GRID2: variants seen among roughly 807,000 people sequenced by gnomAD.
The protein encoded by GRID2 is glutamate ionotropic receptor delta type subunit 2.
Under a neutral mutation model 114.8 loss-of-function variants are expected in GRID2, and 33 were observed. That is an observed-to-expected ratio of 0.29 (90% CI 0.22 to 0.38). GRID2 has a LOEUF of 0.38. Ranked by LOEUF, GRID2 falls within the 10% of genes least tolerant of loss-of-function variation. GRID2 has a pLI of 1.00. For synonymous variants in GRID2, 505 were observed against 449.9 expected (o/e 1.12, Z -1.55); for missense variants, 1,184 against 1,257.7 (o/e 0.94, Z 0.89).
At chr4:92,399,270 G>C (rs999748350) in intron 1 of GRID2, among the ~76,000 whole-genome samples, 6 of 152,218 alleles carry the variant, frequency 3.9e-5, no homozygotes, top group Non-Finnish European at 8.8e-5. Context: ...AGTCACATTT[G>C]TGTTTGTGCT....
At chr4:93,398,319 A>T (rs1765552908) in intron 9 of GRID2, among the ~76,000 whole-genome samples, 1 of 151,088 alleles carries the variant, frequency 6.6e-6, no homozygotes, top group African/African-American at 2.4e-5. Flanking sequence ...TCTGGTAAGT[A>T]TTACCTGAGC....
chr4:93,143,184 AG>A (rs1486228684), intron 4 of GRID2, among the ~76,000 whole-genome samples: 1 of 152,268 alleles, frequency 6.6e-6, no homozygotes, highest in Non-Finnish European at 1.5e-5. Context: ...AGATTGCATT[AG>A]AAAAAAATGT....
intron 1 of GRID2, among the ~76,000 whole-genome samples, chr4:92,535,755 G>T (rs1725588762): frequency 6.6e-6 from 1 of 152,196 alleles, no homozygotes; most frequent in South Asian, 2.1e-4. Flanking sequence ...CTAACTTCAA[G>T]AATGAAGCCA....
chr4:93,033,442 C>T (rs1457304773), intron 2 of GRID2, among the ~76,000 whole-genome samples: 2 of 152,194 alleles, frequency 1.3e-5, no homozygotes, highest in African/African-American at 4.8e-5. Flanking sequence ...TTCTTAGCAT[C>T]AGTGTGAGAC....
At chr4:92,621,125 G>C (rs1217272168) in intron 2 of GRID2, among the ~76,000 whole-genome samples, 1 of 151,664 alleles carries the variant, frequency 6.6e-6, no homozygotes, top group African/African-American at 2.4e-5. Context: ...ATGTGTCATG[G>C]TGAATTGCTG....
chr4:93,788,941 G>A (rs138968969), intron 1 of GRID2, among the ~76,000 whole-genome samples: 2 of 152,312 alleles, frequency 1.3e-5, no homozygotes, highest in East Asian at 3.9e-4. Flanking sequence ...GAGGAGTCCT[G>A]AAGCAAACTA....
At chr4:93,167,784 G>T (rs1285494564) in intron 4 of GRID2, among the ~76,000 whole-genome samples, 3 of 152,072 alleles carry the variant, frequency 2.0e-5, no homozygotes, top group Non-Finnish European at 4.4e-5. Flanking sequence ...TTCTAGGTAT[G>T]ATTTTAGTAT....
chr4:93,123,867 A>G lies in GRID2; in HGVS notation c.735+12914A>G, dbSNP rs1468879858. ...TAGAATGTAAATGAATCCAAAAATA[A>G]TTAAATTTTTATTGAGTTTTCCCTC... On this transcript the variant is annotated intron_variant, in intron 4 of 15. Coordinates refer to ENST00000282020, the MANE Select transcript of GRID2 (RefSeq NM_001510.4). 2.0e-5 allele frequency among the ~76,000 whole-genome samples: 3 copies of G among 151,026 alleles called. No homozygotes were observed. The East Asian group carries it at 5.9e-4, about 30-fold the overall frequency.
At chr4:93,066,700 C>A (rs1008138821) in intron 2 of GRID2, among the ~76,000 whole-genome samples, 2 of 151,828 alleles carry the variant, frequency 1.3e-5, no homozygotes, top group African/African-American at 4.8e-5. Flanking sequence ...GCAACCTAAG[C>A]ATATGATTTT....
chr4:92,997,042 T>C (rs989204638), intron 2 of GRID2, among the ~76,000 whole-genome samples: 3 of 152,308 alleles, frequency 2.0e-5, no homozygotes, highest in African/African-American at 7.2e-5. Context: ...GTCTTGATGA[T>C]TATCAAAAAG....
intron 4 of GRID2, among the ~76,000 whole-genome samples, chr4:93,139,571 C>T (rs942328043): frequency 5.3e-5 from 8 of 152,198 alleles, no homozygotes; most frequent in Admixed American, 2.0e-4. Flanking sequence ...TATTATAACA[C>T]TTGTGTTTTA....
At chr4:93,247,808 G>T (rs1192680224) in intron 8 of GRID2, among the ~76,000 whole-genome samples, 1 of 151,822 alleles carries the variant, frequency 6.6e-6, no homozygotes, top group Non-Finnish European at 1.5e-5. Flanking sequence ...ACCTTGGTAT[G>T]ATATCTTACC....
intron 14 of GRID2, among the ~76,000 whole-genome samples, chr4:93,673,267 A>G (rs1362326052): frequency 6.6e-6 from 1 of 152,278 alleles, no homozygotes; most frequent in African/African-American, 2.4e-5. Context: ...GAAGCACTTT[A>G]TGTATTACAA....
chr4:92,647,458 C>A (rs1478891432), intron 2 of GRID2, among the ~76,000 whole-genome samples: 2 of 149,286 alleles, frequency 1.3e-5, no homozygotes, highest in Non-Finnish European at 1.5e-5. Context: ...TGAATTGTTG[C>A]AAAATGATCA....
chr4:92,711,596 A>T (rs956544960), intron 2 of GRID2, among the ~76,000 whole-genome samples: 2 of 152,184 alleles, frequency 1.3e-5, no homozygotes, highest in South Asian at 4.1e-4. Context: ...GCTGGAGAAA[A>T]CTATGCTTTT....
In GRID2 at chr4:93,189,315, T is replaced by G. The variant is rs149817241; in HGVS notation, c.736-18089T>G. On this transcript the variant is annotated intron_variant, in intron 4 of 15. Transcript: ENST00000282020. ...AACAGATTCCGTGTCTGATGAGGAC[T>G]CCCTTTCTACTTTAAATTGGTGCCT... Among the ~76,000 whole-genome samples the G allele has an allele frequency of 4.2e-3, 635 of 152,286 alleles. 8 individuals carry two copies. Among genetic ancestry groups the G allele is most frequent in the African/African-American group, 0.015 (612 of 41,578 alleles).
At chr4:92,331,223 A>G (rs531605831) in intron 1 of GRID2, among the ~76,000 whole-genome samples, 424 of 152,324 alleles carry the variant, frequency 2.8e-3, no homozygotes, top group Admixed American at 7.1e-3. Context: ...TTTCTATTAA[A>G]GTTAGCACAA....
intron 4 of GRID2, among the ~76,000 whole-genome samples, chr4:93,175,979 A>T (rs1042416797): frequency 6.6e-6 from 1 of 152,146 alleles, no homozygotes; most frequent in Non-Finnish European, 1.5e-5. Flanking sequence ...TGAGGCTTTA[A>T]CTTTGGCTTT....
chr4:92,911,799 AT>A (rs1185290067), intron 2 of GRID2, among the ~76,000 whole-genome samples: 1 of 151,442 alleles, frequency 6.6e-6, no homozygotes, highest in East Asian at 1.9e-4. Context: ...TACAAGAACA[AT>A]TTTTTCCTAG....
Sources: gnomAD v4.1 joint callset for allele counts (sites outside exome capture counted in the v4.1 genomes callset) on GRCh38, gnomAD v4.1.1 for gene constraint, MANE v1.5 for transcripts, NCBI Gene and HGNC (gene_info 2026-07-23, HGNC 2026-07-21) for gene names.